Variants in PTPRD observed in about 807,000 individuals in gnomAD.
PTPRD encodes receptor-type tyrosine-protein phosphatase delta.
In PTPRD, 34 loss-of-function variants were observed where a neutral mutation model predicts 214.5. That is an observed-to-expected ratio of 0.16 (90% CI 0.12 to 0.21). The LOEUF (loss-of-function observed/expected upper bound fraction) is 0.21, where lower values mean the gene tolerates loss of function less well. Among genes scored for constraint, PTPRD ranks in the 10% least tolerant of loss-of-function variants. PTPRD has a pLI of 1.00. For missense variants in PTPRD, 2,545 were observed against 2,398.7 expected (o/e 1.06, Z -1.27); for synonymous variants, 1,128 against 845.7 (o/e 1.33, Z -5.79).
chr9:10,592,920 C>T (rs575499101), intron 2 of PTPRD, among the ~76,000 whole-genome samples: 1 of 151,900 alleles, frequency 6.6e-6, no homozygotes, highest in Admixed American at 6.6e-5. Flanking sequence ...CTGCTCTTGT[C>T]CCCTTCCACA....
chr9:8,507,226 G>C (rs1393530624), intron 22 of PTPRD, 75 bp downstream of exon 22: 1 of 1,525,144 alleles, frequency 6.6e-7, no homozygotes, highest in Non-Finnish European at 8.9e-7. Flanking sequence ...CCAAGAATGT[G>C]GATAAATACA....
chr9:8,579,409 G>A (rs1335898968), intron 14 of PTPRD, among the ~76,000 whole-genome samples: 1 of 152,164 alleles, frequency 6.6e-6, no homozygotes, highest in Admixed American at 6.5e-5. Context: ...ATCCTTATTA[G>A]TTTTAAATAC....
intron 3 of PTPRD, among the ~76,000 whole-genome samples, chr9:10,250,660 A>C (rs746518595): frequency 2.6e-4 from 39 of 152,100 alleles, no homozygotes; most frequent in Non-Finnish European, 3.8e-4. Context: ...GTCAAAGGAA[A>C]AAATAGATAA....
At chr9:9,254,537 A>T (rs999080788) in intron 9 of PTPRD, among the ~76,000 whole-genome samples, 1 of 152,056 alleles carries the variant, frequency 6.6e-6, no homozygotes, top group Non-Finnish European at 1.5e-5. Flanking sequence ...ATAACAAAAG[A>T]TTCTCTTTCA....
At chr9:10,062,716 T>C (rs1209218564) in intron 3 of PTPRD, among the ~76,000 whole-genome samples, 2 of 146,476 alleles carry the variant, frequency 1.4e-5, no homozygotes, top group East Asian at 2.0e-4. Flanking sequence ...ATTTTTTTTC[T>C]CTCTCTTGCC....
rs545572640 is a variant in PTPRD, at chr9:8,316,013, T to C, written c.*1861A>G. The C allele has an allele frequency of 1.8e-5, 4 of 228,028 alleles. No homozygotes were observed. In the East Asian group the frequency reaches 2.5e-4, roughly 14 times the overall value. The allele number at this position is 228,028 out of a possible 1,614,324, so 14.1% of individuals were successfully genotyped here. A position where few individuals can be genotyped will look rare whatever the true frequency, so the allele number is the denominator to read the frequency against. On this transcript the variant is annotated 3_prime_UTR_variant, in exon 46 of 46. Transcript: ENST00000381196. ...ATCAAATATATTCCAAAGTTGCCAA[T>C]GATATTTGTTACTAAAATAAGTTTG...
At chr9:8,861,632 G>C (rs1437470525) in intron 11 of PTPRD, 1 of 152,122 alleles carries the variant, frequency 6.6e-6, no homozygotes, top group Admixed American at 6.5e-5. Flanking sequence ...CTAGAATTTT[G>C]AACCTAGATC....
chr9:9,427,564 C>A (rs1446654830), intron 8 of PTPRD, among the ~76,000 whole-genome samples: 1 of 152,060 alleles, frequency 6.6e-6, no homozygotes, highest in Non-Finnish European at 1.5e-5. Flanking sequence ...ACAGAAAATG[C>A]CACAAAGATA....
At chr9:8,457,930 T>C (rs767929550) in intron 33 of PTPRD, among the ~76,000 whole-genome samples, 7 of 152,130 alleles carry the variant, frequency 4.6e-5, no homozygotes, top group Non-Finnish European at 1.0e-4. Flanking sequence ...AAAGACACTA[T>C]TCATTGGGTA....
intron 5 of PTPRD, among the ~76,000 whole-genome samples, chr9:9,792,751 G>C (rs2098976392): frequency 1.3e-5 from 2 of 152,116 alleles, no homozygotes; most frequent in Non-Finnish European, 2.9e-5. Flanking sequence ...TTTAGCAACA[G>C]AGGATTTTCT....
chr9:8,706,116 T>G (rs1484782579), intron 12 of PTPRD, among the ~76,000 whole-genome samples: 1 of 152,150 alleles, frequency 6.6e-6, no homozygotes. Context: ...AAGCCAATTA[T>G]GAATTTTATT....
At chr9:9,870,280 T>C (rs940368521) in intron 5 of PTPRD, among the ~76,000 whole-genome samples, 5 of 152,014 alleles carry the variant, frequency 3.3e-5, no homozygotes, top group Non-Finnish European at 7.4e-5. Context: ...TAAAAACAAT[T>C]ATAATGATAG....
intron 2 of PTPRD, among the ~76,000 whole-genome samples, chr9:10,527,759 A>T (rs907420492): frequency 5.3e-5 from 8 of 152,140 alleles, no homozygotes; most frequent in Admixed American, 4.6e-4. Flanking sequence ...TTATGTAACA[A>T]GTAGAGCCAT....
At chr9:10,144,863 C>A (rs1015825620) in intron 3 of PTPRD, among the ~76,000 whole-genome samples, 1 of 151,904 alleles carries the variant, frequency 6.6e-6, no homozygotes, top group Admixed American at 6.6e-5. Context: ...TGGGATAATA[C>A]TGATTTTTTT....
chr9:10,046,349 T>G (rs925445569), intron 3 of PTPRD, among the ~76,000 whole-genome samples: 1 of 151,880 alleles, frequency 6.6e-6, no homozygotes, highest in African/African-American at 2.4e-5. Context: ...AAATTTCTTA[T>G]AGTTCACTGA....
intron 3 of PTPRD, among the ~76,000 whole-genome samples, chr9:10,135,774 C>T (rs1480996566): frequency 2.0e-5 from 3 of 151,860 alleles, no homozygotes; most frequent in Non-Finnish European, 2.9e-5. Context: ...ATCATGAAAA[C>T]ACACTTAAGT....
At chr9:9,027,072 G>C (rs1185153551) in intron 10 of PTPRD, among the ~76,000 whole-genome samples, 1 of 151,608 alleles carries the variant, frequency 6.6e-6, no homozygotes, top group East Asian at 1.9e-4. Flanking sequence ...CACCTGCTAT[G>C]TCTGGTGTTC....
chr9:9,115,677 G>T (rs2099811729), intron 10 of PTPRD, among the ~76,000 whole-genome samples: 1 of 152,046 alleles, frequency 6.6e-6, no homozygotes, highest in South Asian at 2.1e-4. Context: ...ACACCTGCAT[G>T]CCTATGTTTA....
At chr9:9,450,748 T>G in intron 8 of PTPRD, among the ~76,000 whole-genome samples, 1 of 144,054 alleles carries the variant, frequency 6.9e-6, no homozygotes, top group African/African-American at 2.5e-5. Context: ...GTACATATTA[T>G]GGGGGGGGGT....
Sources: gnomAD v4.1 joint callset for allele counts (sites outside exome capture counted in the v4.1 genomes callset) on GRCh38, gnomAD v4.1.1 for gene constraint, MANE v1.5 for transcripts, NCBI Gene and HGNC (gene_info 2026-07-23, HGNC 2026-07-21) for gene names.